FOXN4: variants seen among roughly 807,000 people sequenced by gnomAD.
FOXN4 encodes forkhead box protein N4.
FOXN4 carries 12 observed loss-of-function variants against 45.0 expected under a neutral mutation model. The ratio of observed to expected loss-of-function variants is 0.27; its 90% CI spans 0.17 to 0.43. The LOEUF (loss-of-function observed/expected upper bound fraction) is 0.43, where lower values mean the gene tolerates loss of function less well. FOXN4 is among the 20% of genes least tolerant of loss of function. The pLI is 1.00. For missense variants in FOXN4, 560 were observed against 694.9 expected, an observed-to-expected ratio of 0.81 and a Z score of 2.18; for synonymous variants, 297 against 295.0, an observed-to-expected ratio of 1.01 and a Z score of -0.07.
At chr12:109,282,982 C>A (rs907072308) in intron 8 of FOXN4, among the ~76,000 whole-genome samples, 1 of 152,072 alleles carries the variant, frequency 6.6e-6, no homozygotes, top group African/African-American at 2.4e-5. Context: ...ACTGAGGGAC[C>A]ATTGGCTCCT....
intron 9 of FOXN4, 128 bp downstream of exon 9, chr12:109,281,279 A>G: frequency 7.6e-7 from 1 of 1,318,978 alleles, no homozygotes; most frequent in Non-Finnish European, 1.0e-6. Context: ...CAACTTGTAA[A>G]GGTTGTTGCT....
Position 109,288,039 on chromosome 12 carries a change from C to T in FOXN4, c.357+17G>A. On this transcript the variant is annotated intron_variant, in intron 4 of 9. Coordinates refer to ENST00000299162, the MANE Select transcript of FOXN4 (RefSeq NM_213596.3). This position sits in a 1 kb window ranked among gnomAD's most constrained non-coding sequence, Gnocchi z 4.3. ...AGGGCACTACCCGCCCTCCGCAGTC[C>T]ATGCAGTGCCACTTACGCTGTCTCT... is the stretch of plus-strand genomic sequence containing the variant. The T allele has an allele frequency of 1.3e-6, 2 of 1,550,388 alleles. No homozygotes were observed. Among genetic ancestry groups the T allele is most frequent in the Non-Finnish European group, 1.7e-6 (2 of 1,146,788 alleles).
At chr12:109,298,171 G>A (rs1300251117) in intron 2 of FOXN4, among the ~76,000 whole-genome samples, 1 of 152,026 alleles carries the variant, frequency 6.6e-6, no homozygotes, top group Non-Finnish European at 1.5e-5. Context: ...AGGTTGCAGG[G>A]AAGAGCTCTG....
At position 109,286,747 on chromosome 12, in the gene FOXN4, G is replaced by GGGGGCAGGAGGTGGGGC. The variant is rs777577927; in HGVS notation, c.597-20_597-4dup. On this transcript the variant is annotated splice_region_variant and splice_polypyrimidine_tract_variant and intron_variant, in intron 6 of 9. Coordinates refer to ENST00000299162, the MANE Select transcript of FOXN4 (RefSeq NM_213596.3). The stretch of plus-strand genomic sequence containing the variant: ...TCAGGGCCATGGCGATCAGACAGCT[G>GGGGGCAGGAGGTGGGGC]GGGGCAGGAGGTGGGGCAGGGCAGG... 5 of 1,602,320 alleles carry GGGGGCAGGAGGTGGGGC rather than the reference G, an allele frequency of 3.1e-6. No individual in the cohort carries two copies. In the African/African-American group the frequency reaches 4.1e-5, roughly 13 times the overall value.
At chr12:109,308,058 T>G (rs953606213) in intron 2 of FOXN4, among the ~76,000 whole-genome samples, 178 bp downstream of exon 2, 1 of 152,112 alleles carries the variant, frequency 6.6e-6, no homozygotes, top group African/African-American at 2.4e-5. Flanking sequence ...CTGGGCCAGG[T>G]TGTGGCCCAG....
In FOXN4 at chr12:109,286,640, G is replaced by C. The variant is rs769323135; in HGVS notation, c.693+8C>G. ...GCTCCAGCACCCCTACCCTAGCTTG[G>C]GACTCACCTTGAAGTAGGGGAAGTG... On this transcript the variant is annotated splice_region_variant and intron_variant, in intron 7 of 9. Coordinates refer to ENST00000299162, the MANE Select transcript of FOXN4 (RefSeq NM_213596.3). The C allele has an allele frequency of 7.1e-5, 114 of 1,604,624 alleles. No individual in the cohort carries two copies. In the Middle Eastern group the frequency reaches 4.3e-3, roughly 60 times the overall value.
In FOXN4 at chr12:109,288,605, G is replaced by A. The variant is rs376757355; in HGVS notation, c.233-425C>T. Reference sequence around the variant, plus strand: ...TCCTCAAAAACATGCCATGGCTCCCGAGTGCCTCTAGGTTTAGGTCCAAAG... The same window carrying A: ...TCCTCAAAAACATGCCATGGCTCCCAAGTGCCTCTAGGTTTAGGTCCAAAG... On this transcript the variant is annotated intron_variant, in intron 3 of 9. Coordinates refer to ENST00000299162, the MANE Select transcript of FOXN4 (RefSeq NM_213596.3). The surrounding 1 kb of genome is among the most constrained non-coding windows in gnomAD (Gnocchi z 4.3). Among the ~76,000 whole-genome samples the A allele has an allele frequency of 6.6e-6, 1 of 152,088 alleles. No individual in the cohort carries two copies. Among genetic ancestry groups the A allele is most frequent in the Non-Finnish European group, 1.5e-5 (1 of 68,018 alleles).
intron 2 of FOXN4, among the ~76,000 whole-genome samples, chr12:109,300,612 A>G (rs2047860206): frequency 6.6e-6 from 1 of 152,200 alleles, no homozygotes; most frequent in African/African-American, 2.4e-5. Flanking sequence ...TCATTTATTT[A>G]AAAAATCAGG....
intron 2 of FOXN4, among the ~76,000 whole-genome samples, chr12:109,300,044 C>A (rs754476907): frequency 2.6e-5 from 4 of 152,158 alleles, no homozygotes; most frequent in East Asian, 1.9e-4. Context: ...AATGGGAGTG[C>A]TAATGCTCAT....
intron 2 of FOXN4, among the ~76,000 whole-genome samples, chr12:109,306,593 A>G (rs192309628): frequency 2.6e-5 from 4 of 152,312 alleles, no homozygotes; most frequent in Non-Finnish European, 5.9e-5. Flanking sequence ...AATATGATAC[A>G]TATATCATTT....
chr12:109,296,939 C>T (rs1180921095), intron 2 of FOXN4, among the ~76,000 whole-genome samples: 1 of 152,236 alleles, frequency 6.6e-6, no homozygotes, highest in Non-Finnish European at 1.5e-5. Flanking sequence ...CTTGCAAGAG[C>T]CTGATCAGGC....
At chr12:109,307,697 T>G (rs530837382) in intron 2 of FOXN4, among the ~76,000 whole-genome samples, 56 of 152,326 alleles carry the variant, frequency 3.7e-4, no homozygotes, top group African/African-American at 1.3e-3. Context: ...TTCAAACACA[T>G]GAGGCCTAGA....
In FOXN4 at chr12:109,278,022, A is replaced by T. The variant is rs1052730083; in HGVS notation, c.*1649T>A. ...ATAGAAGACAGTTGCTCAATTCTAC[A>T]CTTACAGTCTTGATGTTGCCCAAAC... On this transcript the variant is annotated 3_prime_UTR_variant, in exon 10 of 10. Transcript: ENST00000299162. 6.6e-6 allele frequency: 1 copy of T among 152,208 alleles called. No homozygotes were observed. Among genetic ancestry groups the T allele is most frequent in the African/African-American group, 2.4e-5 (1 of 41,450 alleles). 9.4% of individuals were successfully genotyped at this position (152,208 alleles called of 1,614,324 possible).
intron 7 of FOXN4, 115 bp downstream of exon 7, chr12:109,286,533 T>G (rs1348603389): frequency 2.1e-6 from 2 of 946,186 alleles, no homozygotes; most frequent in Non-Finnish European, 3.2e-6. Flanking sequence ...AACCACCAGA[T>G]GTACAGACAT....
intron 2 of FOXN4, among the ~76,000 whole-genome samples, chr12:109,293,152 T>C (rs1234841689): frequency 1.3e-5 from 2 of 152,092 alleles, no homozygotes; most frequent in Non-Finnish European, 2.9e-5. Context: ...TTCTGGCCTC[T>C]TCACCCCAGA....
At chr12:109,281,308 G>A (rs1022780802) in intron 9 of FOXN4, 99 bp downstream of exon 9, 11 of 1,417,976 alleles carry the variant, frequency 7.8e-6, no homozygotes, top group Non-Finnish European at 1.1e-5. Flanking sequence ...AAGACTGTGG[G>A]GCAAATGCAG....
chr12:109,280,986 T>C (rs890402293), intron 9 of FOXN4, among the ~76,000 whole-genome samples: 1 of 152,144 alleles, frequency 6.6e-6, no homozygotes, highest in African/African-American at 2.4e-5. Flanking sequence ...CAGGTGACCT[T>C]GGGTGAGTGA....
At position 109,281,487 on chromosome 12, in the gene FOXN4, A is replaced by G; in HGVS notation, c.1214T>C (p.Val405Ala). ...GTCGGTGCTGATGTTGATGAAGTCT[A>G]CAGGAGCCCTTCCCATGGCGGGGTG... The part of the protein sequence containing the change: ...LPHPAMGRAP[V>A]DFINISTDMN... Residue 405 changes from valine to alanine, a missense_variant, in exon 9 of 10, where the codon GTA (valine) becomes GCA (alanine). Val to Ala is a moderately conservative substitution (Grantham distance 64). This residue lies in a region of FOXN4 where 315 missense variants were observed against 350.5 expected (regional missense o/e 0.90). Coordinates refer to ENST00000299162, the MANE Select transcript of FOXN4 (RefSeq NM_213596.3). 1 of 1,613,976 alleles carries G rather than the reference A, an allele frequency of 6.2e-7. No individual in the cohort carries two copies. Among genetic ancestry groups the G allele is most frequent in the Non-Finnish European group, 8.5e-7 (1 of 1,179,880 alleles).
At chr12:109,297,042 G>A (rs1566003237) in intron 2 of FOXN4, among the ~76,000 whole-genome samples, 1 of 152,230 alleles carries the variant, frequency 6.6e-6, no homozygotes, top group East Asian at 1.9e-4. Context: ...CAGCCAGGGA[G>A]CTGTGGAACC....
Sources: allele counts gnomAD v4.1 joint callset (sites outside exome capture counted in the v4.1 genomes callset), GRCh38; gene constraint gnomAD v4.1.1; regional missense constraint gnomAD v4.1.1; non-coding constraint Gnocchi (gnomAD v3.1); transcripts MANE v1.5; gene names NCBI Gene and HGNC (gene_info 2026-07-23, HGNC 2026-07-21).